Variants in CYYR1 observed in about 807,000 individuals in gnomAD.
CYYR1 encodes cysteine and tyrosine-rich protein 1.
A neutral mutation model predicts 15.2 loss-of-function variants in CYYR1; 14 were observed. The observed-to-expected ratio is 0.92, with a 90% CI of 0.61 to 1.44. CYYR1 has a LOEUF of 1.44. CYYR1 is among the 40% of genes most tolerant of loss of function. The pLI, the probability that CYYR1 is intolerant of heterozygous loss-of-function variation, is 0.00. For synonymous variants in CYYR1, 80 were observed against 77.4 expected, an observed-to-expected ratio of 1.03 and a Z score of -0.18; for missense variants, 228 against 209.5, an observed-to-expected ratio of 1.09 and a Z score of -0.54.
chr21:26,512,948 C>G (rs772067820), intron 2 of CYYR1, among the ~76,000 whole-genome samples: 1 of 152,164 alleles, frequency 6.6e-6, no homozygotes, highest in African/African-American at 2.4e-5. Flanking sequence ...CCTAGCCAAG[C>G]GTTTAACATT....
intron 2 of CYYR1, among the ~76,000 whole-genome samples, chr21:26,519,947 A>G (rs1393530494): frequency 2.0e-5 from 3 of 152,008 alleles, no homozygotes; most frequent in African/African-American, 7.3e-5. Flanking sequence ...TCATTGCAGC[A>G]CTATTCACAA....
At chr21:26,469,877 T>C (rs1174359336) in intron 3 of CYYR1, among the ~76,000 whole-genome samples, 1 of 152,160 alleles carries the variant, frequency 6.6e-6, no homozygotes, top group African/African-American at 2.4e-5. Context: ...TCAGTTCCTT[T>C]CTCTAGTGTT....
At chr21:26,528,997 G>T (rs1250643450) in intron 2 of CYYR1, among the ~76,000 whole-genome samples, 1 of 152,168 alleles carries the variant, frequency 6.6e-6, no homozygotes, top group Non-Finnish European at 1.5e-5. Flanking sequence ...ATTATTAGAA[G>T]CAAACAAAGG....
At chr21:26,487,018 T>C (rs1870016232) in intron 2 of CYYR1, among the ~76,000 whole-genome samples, 1 of 152,012 alleles carries the variant, frequency 6.6e-6, no homozygotes, top group Admixed American at 6.6e-5. Flanking sequence ...GTAACAGCAG[T>C]CCCAATAAAG....
chr21:26,534,467 A>G (rs766826564), intron 2 of CYYR1, among the ~76,000 whole-genome samples: 1 of 152,082 alleles, frequency 6.6e-6, no homozygotes, highest in Non-Finnish European at 1.5e-5. Flanking sequence ...CATGGTGACT[A>G]TATCAAGAGA....
chr21:26,565,151 C>T (rs753818415), intron 2 of CYYR1, among the ~76,000 whole-genome samples: 3 of 152,140 alleles, frequency 2.0e-5, no homozygotes, highest in Non-Finnish European at 4.4e-5. Context: ...TCAAGAGTAT[C>T]CCAAAGTATG....
chr21:26,534,664 GTC>G (rs1487520275), intron 2 of CYYR1, among the ~76,000 whole-genome samples: 5 of 152,086 alleles, frequency 3.3e-5, no homozygotes, highest in Admixed American at 2.0e-4. Context: ...TATACCTACT[GTC>G]TCTGCATTTT....
chr21:26,522,683 G>A (rs1289648013), intron 2 of CYYR1, among the ~76,000 whole-genome samples: 8 of 152,088 alleles, frequency 5.3e-5, no homozygotes, highest in South Asian at 2.1e-4. Flanking sequence ...AAAACACCAC[G>A]TTCCTGCCCT....
intron 2 of CYYR1, among the ~76,000 whole-genome samples, chr21:26,554,749 TTTTA>T (rs1317131684): frequency 1.3e-5 from 2 of 152,052 alleles, no homozygotes; most frequent in Non-Finnish European, 2.9e-5. Flanking sequence ...CCCCATCATG[TTTTA>T]TTTATTTTAT....
intron 2 of CYYR1, among the ~76,000 whole-genome samples, chr21:26,526,508 T>A (rs1470366224): frequency 6.6e-6 from 1 of 152,146 alleles, no homozygotes; most frequent in East Asian, 1.9e-4. Context: ...AAAAGTTCCA[T>A]TTTAAACCTC....
chr21:26,543,585 C>T (rs1978726451), intron 2 of CYYR1, among the ~76,000 whole-genome samples: 3 of 152,148 alleles, frequency 2.0e-5, no homozygotes, highest in Admixed American at 6.5e-5. Context: ...CATCTCTGCT[C>T]ATGCACCATT....
At chr21:26,515,464 ATCC>A (rs1173467987) in intron 2 of CYYR1, among the ~76,000 whole-genome samples, 1 of 151,896 alleles carries the variant, frequency 6.6e-6, no homozygotes, top group Non-Finnish European at 1.5e-5. Flanking sequence ...CGTTCAAGTG[ATCC>A]TCCTGCCTCA....
At chr21:26,558,769 C>A (rs539160979) in intron 2 of CYYR1, among the ~76,000 whole-genome samples, 22 of 152,282 alleles carry the variant, frequency 1.4e-4, no homozygotes, top group African/African-American at 5.3e-4. Context: ...GCTCTTCACA[C>A]AGCATTATTC....
At chr21:26,536,000 C>T (rs369575922) in intron 2 of CYYR1, among the ~76,000 whole-genome samples, 2 of 152,144 alleles carry the variant, frequency 1.3e-5, no homozygotes, top group Non-Finnish European at 2.9e-5. Context: ...ACTCACAGTT[C>T]GGCAGGCTGT....
intron 2 of CYYR1, among the ~76,000 whole-genome samples, chr21:26,552,406 T>G (rs565409759): frequency 1.4e-4 from 22 of 152,112 alleles, no homozygotes; most frequent in African/African-American, 5.3e-4. Flanking sequence ...ATGAATAACA[T>G]ATATTTGAGT....
intron 2 of CYYR1, chr21:26,551,045 T>TC (rs933810134): frequency 2.6e-5 from 4 of 152,690 alleles, no homozygotes; most frequent in African/African-American, 9.6e-5. Flanking sequence ...AAGCCAGTGC[T>TC]CACTGCACAT....
At chr21:26,554,307 A>T (rs1354094551) in intron 2 of CYYR1, among the ~76,000 whole-genome samples, 1 of 152,192 alleles carries the variant, frequency 6.6e-6, no homozygotes, top group Non-Finnish European at 1.5e-5. Context: ...AAAGCAAATC[A>T]TTACCCACTG....
In CYYR1 at chr21:26,468,605, C is replaced by G. The variant is rs140249086; in HGVS notation, c.364G>C (p.Glu122Gln). ...GGCAAGTCTGCACAGTATTCCATCT[C>G]GTGGTCGTGACCGTAGGGTGGTGGT... Reference protein sequence around the residue: ...AGPPPYGHDHEMEYCADLPPP... With the variant: ...AGPPPYGHDHQMEYCADLPPP... The change falls in exon 4 of 4, where the codon GAG becomes CAG. Residue 122 changes from glutamate (E) to glutamine (Q), a missense_variant. Transcript: ENST00000652641. 8.4e-4 allele frequency: 1,361 copies of G among 1,611,662 alleles called. 1 individual carries two copies. The highest frequency in any genetic ancestry group is 1.5e-3 in the Middle Eastern group (9 of 6,012).
chr21:26,570,321 C>T (rs1405100044), intron 1 of CYYR1, among the ~76,000 whole-genome samples: 1 of 152,184 alleles, frequency 6.6e-6, no homozygotes, highest in Non-Finnish European at 1.5e-5. Flanking sequence ...ACTCCCAACT[C>T]ACCCTGCCTC....
Sources: gnomAD v4.1 joint callset for allele counts (sites outside exome capture counted in the v4.1 genomes callset) on GRCh38, gnomAD v4.1.1 for gene constraint, MANE v1.5 for transcripts, NCBI Gene and HGNC (gene_info 2026-07-23, HGNC 2026-07-21) for gene names.